LHFPL3: variants seen among roughly 807,000 people sequenced by gnomAD.
LHFPL3 encodes LHFPL tetraspan subfamily member 3 protein.
LHFPL3 carries 5 observed loss-of-function variants against 19.3 expected under a neutral mutation model. The observed-to-expected ratio is 0.26, with a 90% confidence interval of 0.14 to 0.54. The LOEUF (loss-of-function observed/expected upper bound fraction) is 0.54. Ranked by LOEUF, LHFPL3 falls within the 20% of genes least tolerant of loss-of-function variation. LHFPL3 has a pLI of 0.94. For missense variants in LHFPL3, 249 were observed against 307.4 expected, an observed-to-expected ratio of 0.81 and a Z score of 1.42; for synonymous variants, 133 against 126.2, an observed-to-expected ratio of 1.05 and a Z score of -0.36.
Position 104,480,623 on chromosome 7 carries a change from GCTTTGAATCA to G in LHFPL3, c.445+151403_445+151412del, listed in dbSNP as rs1199138618. On this transcript the variant is annotated intron_variant, in intron 1 of 2. Transcript: ENST00000424859. ...TTTGTACAGCTCTCTGTTGTAAGCT[GCTTTGAATCA>G]CTTCATTAGAAAGTTAAGTGTCTGG... Among the ~76,000 whole-genome samples, 9 of 152,252 alleles carry G rather than the reference GCTTTGAATCA, an allele frequency of 5.9e-5. No individual in the cohort carries two copies. In the East Asian group the frequency reaches 1.7e-3, roughly 29 times the overall value.
chr7:104,689,031 T>C (rs2116124711), intron 1 of LHFPL3, among the ~76,000 whole-genome samples: 1 of 152,278 alleles, frequency 6.6e-6, no homozygotes, highest in East Asian at 1.9e-4. Flanking sequence ...AGTGGATTAG[T>C]CACTTTAGAC....
chr7:104,423,005 G>T (rs1026914309), intron 1 of LHFPL3, among the ~76,000 whole-genome samples: 26 of 152,186 alleles, frequency 1.7e-4, no homozygotes, highest in Non-Finnish European at 2.5e-4. Context: ...TACTGGGGAC[G>T]CAATGGTGAA....
intron 1 of LHFPL3, among the ~76,000 whole-genome samples, chr7:104,413,456 A>T (rs1791569161): frequency 6.6e-6 from 1 of 152,206 alleles, no homozygotes; most frequent in Admixed American, 6.5e-5. Context: ...AGATCTTTTA[A>T]TATTAGCTCA....
intron 1 of LHFPL3, among the ~76,000 whole-genome samples, chr7:104,560,770 T>A (rs1789974419): frequency 6.8e-6 from 1 of 146,942 alleles, no homozygotes; most frequent in Admixed American, 6.7e-5. Context: ...TTAATTGTGA[T>A]GTTAGGGTGT....
chr7:104,654,023 A>T (rs1792079669), intron 1 of LHFPL3, among the ~76,000 whole-genome samples: 2 of 152,144 alleles, frequency 1.3e-5, no homozygotes, highest in Admixed American at 1.3e-4. Flanking sequence ...ATATCTTAGG[A>T]TGGCACCTAA....
intron 1 of LHFPL3, among the ~76,000 whole-genome samples, chr7:104,649,503 C>T (rs560272310): frequency 2.4e-4 from 36 of 152,294 alleles, no homozygotes; most frequent in Non-Finnish European, 4.3e-4. Context: ...GCACCTGTCC[C>T]ATAGTGACCT....
intron 1 of LHFPL3, among the ~76,000 whole-genome samples, chr7:104,589,160 T>C (rs1479128221): frequency 2.0e-5 from 3 of 151,862 alleles, no homozygotes; most frequent in African/African-American, 7.3e-5. Context: ...TGAATAGGAG[T>C]GGTGAGAGAG....
At chr7:104,866,013 A>T (rs1364756793) in intron 2 of LHFPL3, among the ~76,000 whole-genome samples, 1 of 152,216 alleles carries the variant, frequency 6.6e-6, no homozygotes, top group Non-Finnish European at 1.5e-5. Flanking sequence ...TACTTTACAG[A>T]CAAGCAAATG....
intron 1 of LHFPL3, among the ~76,000 whole-genome samples, chr7:104,522,972 C>CTGTG (rs10541183): frequency 6.4e-4 from 97 of 150,700 alleles, no homozygotes; most frequent in African/African-American, 2.2e-3. Flanking sequence ...CTATATATAT[C>CTGTG]TGTGTGTGTG....
intron 2 of LHFPL3, chr7:104,803,978 G>C (rs1040844804): frequency 1.3e-5 from 2 of 152,178 alleles, no homozygotes; most frequent in African/African-American, 4.8e-5. Flanking sequence ...TTCAGGACTG[G>C]TTCAACAAAT....
intron 1 of LHFPL3, among the ~76,000 whole-genome samples, chr7:104,673,177 T>C (rs1792519435): frequency 6.6e-6 from 1 of 152,192 alleles, no homozygotes; most frequent in African/African-American, 2.4e-5. Flanking sequence ...AAATCCAAAC[T>C]AAATCAGAAT....
At chr7:104,870,858 C>T (rs1226735752) in intron 2 of LHFPL3, among the ~76,000 whole-genome samples, 1 of 152,122 alleles carries the variant, frequency 6.6e-6, no homozygotes, top group Non-Finnish European at 1.5e-5. Flanking sequence ...ATAGCATCCT[C>T]CAAAACATCC....
intron 1 of LHFPL3, among the ~76,000 whole-genome samples, chr7:104,709,533 G>C (rs965605690): frequency 6.7e-6 from 1 of 149,848 alleles, no homozygotes; most frequent in Non-Finnish European, 1.5e-5. Flanking sequence ...ATGTTTCAGA[G>C]AGCACGGGGT....
At chr7:104,518,823 A>G (rs1793979470) in intron 1 of LHFPL3, among the ~76,000 whole-genome samples, 1 of 150,820 alleles carries the variant, frequency 6.6e-6, no homozygotes, top group African/African-American at 2.5e-5. Flanking sequence ...AGATAGATAG[A>G]TAGATAGATA....
intron 1 of LHFPL3, among the ~76,000 whole-genome samples, chr7:104,615,608 TG>T (rs1436255950): frequency 6.6e-6 from 1 of 152,180 alleles, no homozygotes; most frequent in Non-Finnish European, 1.5e-5. Context: ...TATGCCATGG[TG>T]GTTTGCTGCA....
In LHFPL3 at chr7:104,734,879, C is replaced by T. The variant is rs189829551; in HGVS notation, c.446-1796C>T. On this transcript the variant is annotated intron_variant, in intron 1 of 2. Transcript: ENST00000424859. ...CACCTTTGGTCTTTGATGATGGTGA[C>T]GTACAGATGGGGTTTTGGTGTGGAT... Among the ~76,000 whole-genome samples, 630 of 152,210 alleles carry T rather than the reference C, an allele frequency of 4.1e-3. 3 individuals carry two copies. The highest frequency in any genetic ancestry group is 0.014 in the African/African-American group (581 of 41,530).
At chr7:104,862,033 G>C (rs991814476) in intron 2 of LHFPL3, among the ~76,000 whole-genome samples, 1 of 152,100 alleles carries the variant, frequency 6.6e-6, no homozygotes, top group Non-Finnish European at 1.5e-5. Context: ...AGCTCACTCT[G>C]GCAAGCGATG....
chr7:104,558,683 A>G (rs1789917136), intron 1 of LHFPL3, among the ~76,000 whole-genome samples: 1 of 150,842 alleles, frequency 6.6e-6, no homozygotes, highest in South Asian at 2.1e-4. Context: ...CTTTAGTTTA[A>G]TTAGATCCCA....
intron 1 of LHFPL3, among the ~76,000 whole-genome samples, chr7:104,369,314 A>T (rs1790563800): frequency 6.6e-6 from 1 of 152,212 alleles, no homozygotes; most frequent in Admixed American, 6.5e-5. Context: ...TATAAATGGA[A>T]TCCTACAATA....
Sources: allele counts gnomAD v4.1 joint callset (sites outside exome capture counted in the v4.1 genomes callset), GRCh38; gene constraint gnomAD v4.1.1; transcripts MANE v1.5; gene names NCBI Gene and HGNC (gene_info 2026-07-23, HGNC 2026-07-21).